The following SORCS2 variants were observed in gnomAD, a reference collection of about 807,000 sequenced individuals.
SORCS2 encodes the protein sortilin related VPS10 domain containing receptor 2.
In SORCS2, 100 loss-of-function variants were observed where a neutral mutation model predicts 141.6. The ratio of observed to expected loss-of-function variants is 0.71; its 90% CI spans 0.60 to 0.83. The LOEUF (loss-of-function observed/expected upper bound fraction) is 0.83, where lower values mean the gene tolerates loss of function less well. Among genes scored for constraint, SORCS2 ranks in the 40% least tolerant of loss-of-function variants. The probability of loss-of-function intolerance (pLI) is 0.00; values close to 1 mark genes in which losing one functional copy is unlikely to be tolerated. For synonymous variants in SORCS2, 789 were observed against 676.9 expected, an observed-to-expected ratio of 1.17 and a Z score of -2.57; for missense variants, 1,646 against 1,560.2, an observed-to-expected ratio of 1.05 and a Z score of -0.93.
At chr4:7,203,149 T>A (rs1265374017) in intron 1 of SORCS2, among the ~76,000 whole-genome samples, 1 of 152,236 alleles carries the variant, frequency 6.6e-6, no homozygotes, top group African/African-American at 2.4e-5. Context: ...TTCTTTTTGC[T>A]GGCTGGGCGT....
intron 2 of SORCS2, among the ~76,000 whole-genome samples, chr4:7,476,741 G>A (rs969054240): frequency 6.6e-6 from 1 of 152,110 alleles, no homozygotes; most frequent in Non-Finnish European, 1.5e-5. Context: ...ACCTCTCTAA[G>A]CAGGGACATG....
chr4:7,599,959 G>A (rs1299555752), intron 3 of SORCS2, among the ~76,000 whole-genome samples: 1 of 151,896 alleles, frequency 6.6e-6, no homozygotes, highest in Non-Finnish European at 1.5e-5. Flanking sequence ...AAGGAGCTGG[G>A]GTTACAGGTC....
chr4:7,653,357 ACT>A (rs1184420523), intron 4 of SORCS2, among the ~76,000 whole-genome samples: 55 of 151,946 alleles, frequency 3.6e-4, no homozygotes, highest in African/African-American at 1.3e-3. Flanking sequence ...GATTCTCCTG[ACT>A]CAGCCTCCCG....
chr4:7,318,085 C>G lies in SORCS2; in HGVS notation c.481-78203C>G, dbSNP rs757067647. 4.5e-4 allele frequency among the ~76,000 whole-genome samples: 69 copies of G among 152,326 alleles called. No homozygotes were observed. In the Middle Eastern group the frequency reaches 0.031, roughly 68 times the overall value. On this transcript the variant is annotated intron_variant, in intron 1 of 26. Coordinates refer to ENST00000507866, the MANE Select transcript of SORCS2 (RefSeq NM_020777.3). ...TCGTGCAAGGTGATACAGCAGCAGACATAACTGGAACCTCATTATTGAGTA... is the reference window on the plus strand; with the variant it reads ...TCGTGCAAGGTGATACAGCAGCAGAGATAACTGGAACCTCATTATTGAGTA...
chr4:7,601,384 T>C (rs1717655084), intron 3 of SORCS2, among the ~76,000 whole-genome samples: 1 of 152,038 alleles, frequency 6.6e-6, no homozygotes, highest in South Asian at 2.1e-4. Context: ...TTTGTAGAAC[T>C]CTTTTAAGGT....
intron 1 of SORCS2, among the ~76,000 whole-genome samples, chr4:7,365,010 G>T (rs947978502): frequency 2.0e-5 from 3 of 152,232 alleles, no homozygotes; most frequent in African/African-American, 7.2e-5. Context: ...GCTGGCCCCT[G>T]CCTCATAGAG....
chr4:7,531,895 A>G (rs556898844), intron 3 of SORCS2, among the ~76,000 whole-genome samples: 2 of 152,388 alleles, frequency 1.3e-5, no homozygotes, highest in South Asian at 4.1e-4. Context: ...GGGTGGGGGC[A>G]TGCATCCATC....
intron 2 of SORCS2, among the ~76,000 whole-genome samples, chr4:7,455,474 A>G (rs1308079982): frequency 0.012 from 521 of 43,946 alleles, no homozygotes; most frequent in Middle Eastern, 0.029. Flanking sequence ...CAGGTGCTGT[A>G]TTGGGGTCAG....
At chr4:7,580,404 C>T (rs917195379) in intron 3 of SORCS2, among the ~76,000 whole-genome samples, 3 of 151,884 alleles carry the variant, frequency 2.0e-5, no homozygotes, top group Non-Finnish European at 2.9e-5. Context: ...CCATGAGAAT[C>T]GCTTGAACCT....
intron 2 of SORCS2, among the ~76,000 whole-genome samples, chr4:7,483,489 C>T (rs898306552): frequency 3.3e-5 from 5 of 152,072 alleles, no homozygotes; most frequent in Admixed American, 1.3e-4. Flanking sequence ...TTGGGAGGCA[C>T]GTGGTACTGT....
chr4:7,535,722 A>T (rs1195303986), intron 3 of SORCS2, among the ~76,000 whole-genome samples: 1 of 152,182 alleles, frequency 6.6e-6, no homozygotes, highest in Non-Finnish European at 1.5e-5. Context: ...CAGGGTGACA[A>T]AGCCTCACAC....
At chr4:7,321,422 AG>A (rs1174747021) in intron 1 of SORCS2, among the ~76,000 whole-genome samples, 91 of 152,346 alleles carry the variant, frequency 6.0e-4, no homozygotes, top group Non-Finnish European at 1.2e-3. Context: ...AATTCAGTGA[AG>A]TCTCAGGTTA....
At chr4:7,714,168 T>C (rs1726026372) in intron 15 of SORCS2, 72 bp from the exon 16 acceptor site, 1 of 1,529,056 alleles carries the variant, frequency 6.5e-7, no homozygotes, top group African/African-American at 1.4e-5. Context: ...TCTGGCAGCC[T>C]CAGCGGCACA....
At chr4:7,518,629 T>G (rs932180691) in intron 2 of SORCS2, among the ~76,000 whole-genome samples, 1 of 152,144 alleles carries the variant, frequency 6.6e-6, no homozygotes, top group African/African-American at 2.4e-5. Flanking sequence ...CCAGTGTGAC[T>G]CATGCCCAGC....
At chr4:7,598,643 G>A (rs543879877) in intron 3 of SORCS2, among the ~76,000 whole-genome samples, 2 of 152,252 alleles carry the variant, frequency 1.3e-5, no homozygotes, top group South Asian at 2.1e-4. Flanking sequence ...TGTGCCCCTC[G>A]CTTGTGCTTT....
At chr4:7,198,422 T>C (rs1289838685) in intron 1 of SORCS2, among the ~76,000 whole-genome samples, 1 of 152,110 alleles carries the variant, frequency 6.6e-6, no homozygotes, top group Non-Finnish European at 1.5e-5. Context: ...GCTTGGGGTT[T>C]TGTATTTAAG....
intron 3 of SORCS2, among the ~76,000 whole-genome samples, chr4:7,585,467 C>T (rs966635670): frequency 6.6e-6 from 1 of 152,196 alleles, no homozygotes; most frequent in Non-Finnish European, 1.5e-5. Context: ...CAAGTCCCTC[C>T]CACCACATTT....
intron 1 of SORCS2, among the ~76,000 whole-genome samples, chr4:7,379,515 G>A (rs1033781532): frequency 1.3e-5 from 2 of 152,210 alleles, no homozygotes; most frequent in South Asian, 2.1e-4. Flanking sequence ...GTGATGTATG[G>A]CTGAGGCTTT....
chr4:7,723,884 G>A lies in SORCS2; in HGVS notation c.2611+1G>A, dbSNP rs1726779126. ...GCGGTGCTCTTTGTCCAGGTCAACTGTAAGTTTATTGCCCCTTTGAGGCCA... is the reference window on the plus strand; with the variant it reads ...GCGGTGCTCTTTGTCCAGGTCAACTATAAGTTTATTGCCCCTTTGAGGCCA... On this transcript the variant is annotated splice_donor_variant, in intron 19 of 26. Transcript: ENST00000507866. LOFTEE classifies it high-confidence loss of function. 1 of 1,599,616 alleles carries A rather than the reference G, an allele frequency of 6.3e-7. No individual in the cohort carries two copies. Among genetic ancestry groups the A allele is most frequent in the Non-Finnish European group, 8.5e-7 (1 of 1,176,272 alleles).
Sources: gnomAD v4.1 joint callset for allele counts (sites outside exome capture counted in the v4.1 genomes callset) on GRCh38, gnomAD v4.1.1 for gene constraint, MANE v1.5 for transcripts, NCBI Gene and HGNC (gene_info 2026-07-23, HGNC 2026-07-21) for gene names.